Variants in NMBR observed in about 807,000 individuals in gnomAD.
NMBR encodes neuromedin-B receptor.
NMBR carries 16 observed loss-of-function variants against 20.5 expected under a neutral mutation model. The observed-to-expected ratio is 0.78, with a 90% CI of 0.53 to 1.19. The LOEUF is 1.19. Among genes scored for constraint, NMBR ranks in the 50% most tolerant of loss-of-function variants. NMBR has a pLI of 0.00. For missense variants in NMBR, 582 were observed against 499.1 expected, an observed-to-expected ratio of 1.17 and a Z score of -1.58; for synonymous variants, 212 against 196.6, an observed-to-expected ratio of 1.08 and a Z score of -0.65.
intron 1 of NMBR, among the ~76,000 whole-genome samples, chr6:142,101,910 A>G (rs1001759539): frequency 6.6e-6 from 1 of 152,096 alleles, no homozygotes; most frequent in African/African-American, 2.4e-5. Flanking sequence ...TTGAAGACAG[A>G]CCATTCGACA....
At chr6:142,136,937 G>C (rs939099154) in intron 1 of NMBR, among the ~76,000 whole-genome samples, 12 of 152,006 alleles carry the variant, frequency 7.9e-5, no homozygotes, top group Admixed American at 3.3e-4. Flanking sequence ...GGTGATGCCT[G>C]CAGCTTTGTT....
intron 1 of NMBR, among the ~76,000 whole-genome samples, chr6:142,102,694 G>A (rs1398228622): frequency 6.6e-6 from 1 of 152,162 alleles, no homozygotes; most frequent in African/African-American, 2.4e-5. Flanking sequence ...GAGTGAATCA[G>A]TGTTTGCTTC....
intron 1 of NMBR, among the ~76,000 whole-genome samples, chr6:142,120,726 C>A (rs1170491181): frequency 6.6e-6 from 1 of 151,886 alleles, no homozygotes; most frequent in African/African-American, 2.4e-5. Flanking sequence ...CTAATCTAAA[C>A]CTACCTTACA....
chr6:142,096,918 A>G (rs1181536617), intron 1 of NMBR, among the ~76,000 whole-genome samples: 2 of 151,718 alleles, frequency 1.3e-5, no homozygotes, highest in African/African-American at 2.4e-5. Context: ...TCCCTTTACC[A>G]TTATGTAATG....
intron 2 of NMBR, among the ~76,000 whole-genome samples, chr6:142,081,839 A>G (rs888239536): frequency 2.0e-5 from 3 of 152,170 alleles, no homozygotes; most frequent in Non-Finnish European, 4.4e-5. Context: ...TTTCCCTTAT[A>G]AATGGTCTCA....
At chr6:142,116,255 C>T (rs986746159) in intron 1 of NMBR, among the ~76,000 whole-genome samples, 3 of 151,830 alleles carry the variant, frequency 2.0e-5, no homozygotes, top group Non-Finnish European at 4.4e-5. Context: ...CTTCTCTTCA[C>T]CCTCTTAGTC....
chr6:142,128,132 T>C (rs995122094), intron 1 of NMBR, among the ~76,000 whole-genome samples: 1 of 151,966 alleles, frequency 6.6e-6, no homozygotes, highest in Non-Finnish European at 1.5e-5. Context: ...ATCTGGTTGT[T>C]TAAAAGTGTG....
At chr6:142,086,399 T>C (rs529258491) in intron 2 of NMBR, among the ~76,000 whole-genome samples, 11 of 152,262 alleles carry the variant, frequency 7.2e-5, no homozygotes, top group South Asian at 4.1e-4. Context: ...TGAGATATAG[T>C]AAGAAGTCAT....
At chr6:142,135,936 A>C (rs1294831139) in intron 1 of NMBR, among the ~76,000 whole-genome samples, 1 of 152,002 alleles carries the variant, frequency 6.6e-6, no homozygotes, top group Admixed American at 6.6e-5. Flanking sequence ...TGCTATTGTG[A>C]ATAGTGCCAC....
intron 1 of NMBR, among the ~76,000 whole-genome samples, chr6:142,137,512 G>A (rs1778283209): frequency 6.6e-6 from 1 of 152,084 alleles, no homozygotes; most frequent in Admixed American, 6.6e-5. Context: ...AATTGCCCTG[G>A]CCGGAACTTC....
intron 1 of NMBR, among the ~76,000 whole-genome samples, chr6:142,114,058 A>T (rs1777813122): frequency 2.0e-5 from 3 of 152,156 alleles, no homozygotes; most frequent in Admixed American, 1.3e-4. Context: ...CAATTACAAA[A>T]TAGGAAAAGC....
intron 1 of NMBR, among the ~76,000 whole-genome samples, chr6:142,097,073 C>A (rs571506198): frequency 1.3e-5 from 2 of 152,018 alleles, no homozygotes; most frequent in East Asian, 3.8e-4. Flanking sequence ...TGTCTTTGCA[C>A]GTGAGATGGG....
intron 1 of NMBR, among the ~76,000 whole-genome samples, chr6:142,128,447 A>G (rs575291203): frequency 6.6e-6 from 1 of 152,120 alleles, no homozygotes; most frequent in Admixed American, 6.5e-5. Flanking sequence ...TTTGTACTGG[A>G]TCTTAGAGGA....
At chr6:142,105,745 A>C (rs1355268080) in intron 1 of NMBR, among the ~76,000 whole-genome samples, 1 of 152,122 alleles carries the variant, frequency 6.6e-6, no homozygotes, top group African/African-American at 2.4e-5. Flanking sequence ...ACTTTTAGTA[A>C]TCCCAATTTG....
chr6:142,088,698 C>T lies in NMBR; in HGVS notation c.-40G>A, dbSNP rs370112216. ...CAGAGTCCGCTGGAGTTTTCACGCG[C>T]TCCGGTGCCCTGAGGACTGAACGCC... On this transcript the variant is annotated 5_prime_UTR_variant, in exon 2 of 4. Coordinates refer to ENST00000258042, the MANE Select transcript of NMBR (RefSeq NM_002511.4). 1 of 1,555,564 alleles carries T rather than the reference C, an allele frequency of 6.4e-7. No individual in the cohort carries two copies. Among genetic ancestry groups the T allele is most frequent in the Non-Finnish European group, 8.7e-7 (1 of 1,151,628 alleles).
chr6:142,093,194 C>G (rs1316443636), intron 1 of NMBR, among the ~76,000 whole-genome samples: 1 of 151,584 alleles, frequency 6.6e-6, no homozygotes. Flanking sequence ...GGTACATGTG[C>G]ACAACATGCA....
At chr6:142,081,601 G>C (rs2114558574) in intron 2 of NMBR, among the ~76,000 whole-genome samples, 1 of 152,262 alleles carries the variant, frequency 6.6e-6, no homozygotes, top group Admixed American at 6.5e-5. Flanking sequence ...AGTGTTATTA[G>C]TGCTGAGACA....
At chr6:142,107,499 A>T (rs1477451933) in intron 1 of NMBR, among the ~76,000 whole-genome samples, 1 of 152,210 alleles carries the variant, frequency 6.6e-6, no homozygotes, top group Non-Finnish European at 1.5e-5. Context: ...GTGATGATGC[A>T]CATACTCAAG....
intron 1 of NMBR, among the ~76,000 whole-genome samples, chr6:142,137,228 T>C (rs544433486): frequency 3.3e-5 from 5 of 152,318 alleles, no homozygotes; most frequent in East Asian, 3.9e-4. Flanking sequence ...GTAAGTTGGA[T>C]TCCTAGGTAT....
Sources: allele counts gnomAD v4.1 joint callset (sites outside exome capture counted in the v4.1 genomes callset), GRCh38; gene constraint gnomAD v4.1.1; transcripts MANE v1.5; gene names NCBI Gene and HGNC (gene_info 2026-07-23, HGNC 2026-07-21).